The following ANKS6 variants were observed in gnomAD, a reference collection of about 807,000 sequenced individuals.
ANKS6 encodes the protein ankyrin repeat and sterile alpha motif domain containing 6, also known as ankyrin repeat and SAM domain-containing protein 6.
ANKS6 carries 47 observed loss-of-function variants against 77.9 expected under a neutral mutation model. The observed-to-expected ratio is 0.60, with a 90% confidence interval of 0.48 to 0.77. The LOEUF (loss-of-function observed/expected upper bound fraction) is 0.77. Ranked by LOEUF, ANKS6 falls within the 30% of genes least tolerant of loss-of-function variation. ANKS6 has a pLI of 0.00. For synonymous variants in ANKS6, 488 were observed against 501.7 expected, an observed-to-expected ratio of 0.97 and a Z score of 0.37; for missense variants, 1,150 against 1,159.1, an observed-to-expected ratio of 0.99 and a Z score of 0.11.
intron 5 of ANKS6, among the ~76,000 whole-genome samples, chr9:98,781,885 T>C (rs1834284773): frequency 6.6e-6 from 1 of 152,068 alleles, no homozygotes; most frequent in Admixed American, 6.5e-5. Context: ...AGACGACAGA[T>C]CAGAGACCTT....
rs1395442787 is a variant in ANKS6 at position 98,736,443 on chromosome 9, G to A, written c.*76C>T. On this transcript the variant is annotated 3_prime_UTR_variant, in exon 15 of 15. Coordinates refer to ENST00000353234, the MANE Select transcript of ANKS6 (RefSeq NM_173551.5). ...ACTAAGGCACAGCAGTGTGACGGGG[G>A]CAGGGCTGGGGCTGTGGCCACGTGA... The A allele has an allele frequency of 1.7e-5, 26 of 1,495,096 alleles. No homozygotes were observed. The highest frequency in any genetic ancestry group is 2.1e-5 in the Non-Finnish European group (23 of 1,121,580). 92.6% of individuals were successfully genotyped at this position (1,495,096 alleles called of 1,614,324 possible).
chr9:98,780,654 C>T (rs1834196239), intron 5 of ANKS6, among the ~76,000 whole-genome samples: 2 of 152,244 alleles, frequency 1.3e-5, no homozygotes, highest in Admixed American at 6.5e-5. Flanking sequence ...CCCTCCCTGG[C>T]TGTGTAACTG....
intron 11 of ANKS6, among the ~76,000 whole-genome samples, chr9:98,765,081 G>T (rs1025121872): frequency 1.3e-5 from 2 of 152,130 alleles, no homozygotes; most frequent in Non-Finnish European, 2.9e-5. Flanking sequence ...GGTTTTGAAA[G>T]ACTTGCCAAA....
Position 98,732,373 on chromosome 9 carries a change from T to G in ANKS6, c.*4146A>C, listed in dbSNP as rs909648800. 1 of 1,088,146 alleles carries G rather than the reference T, an allele frequency of 9.2e-7. No homozygotes were observed. 67.4% of individuals were successfully genotyped at this position (1,088,146 alleles called of 1,614,324 possible). On this transcript the variant is annotated 3_prime_UTR_variant, in exon 15 of 15. Coordinates refer to ENST00000353234, the MANE Select transcript of ANKS6 (RefSeq NM_173551.5). ...CTTCTACGACTTGGTCAAACTATCT[T>G]TCTTTCTGTCTGCCATGCCAGGAAA...
Position 98,777,449 on chromosome 9 carries a change from C to G in ANKS6, c.1573G>C (p.Gly525Arg), listed in dbSNP as rs773549550. 4 of 1,614,108 alleles carry G rather than the reference C, an allele frequency of 2.5e-6. No individual in the cohort carries two copies. In the African/African-American group the frequency reaches 5.3e-5, roughly 22 times the overall value. The change falls in exon 8 of 15, where the codon GGG (glycine) becomes CGG (arginine). Residue 525 changes from glycine to arginine, a missense_variant. Transcript: ENST00000353234. ...AAPVTKDNGP[G>R]STRGEKEDTL... ...TCTTCCTTTTCTCCTCTTGTGCTCC[C>G]AGGACCTGAGAGACAAATGGAAATT...
rs1054468943 is a variant in ANKS6, at chr9:98,735,697, A to T, written c.*822T>A. The T allele has an allele frequency of 2.4e-6, 3 of 1,231,612 alleles. No homozygotes were observed. In the African/African-American group the frequency reaches 4.7e-5, roughly 19 times the overall value. The allele number at this position is 1,231,612 out of a possible 1,614,324, so 76.3% of individuals were successfully genotyped here. On this transcript the variant is annotated 3_prime_UTR_variant, in exon 15 of 15. Coordinates refer to ENST00000353234, the MANE Select transcript of ANKS6 (RefSeq NM_173551.5). ...TCTGGTCTGACCTTCCACTTTGCAG[A>T]TAAGGAAACTGAAAGCTAGGAAGAA...
At chr9:98,770,298 A>G (rs563789016) in intron 10 of ANKS6, among the ~76,000 whole-genome samples, 2 of 152,296 alleles carry the variant, frequency 1.3e-5, no homozygotes, top group South Asian at 4.1e-4. Context: ...TTGTGAGTCC[A>G]TTAAACCTCT....
chr9:98,739,856 C>T (rs1238818818), intron 14 of ANKS6, among the ~76,000 whole-genome samples: 5 of 147,658 alleles, frequency 3.4e-5, no homozygotes, highest in South Asian at 4.4e-4. Flanking sequence ...CTGGGGTTCA[C>T]GCCATTCTCC....
chr9:98,784,785 T>C (rs772263508), intron 3 of ANKS6, 47 bp downstream of exon 3: 2 of 1,534,042 alleles, frequency 1.3e-6, no homozygotes, highest in South Asian at 1.1e-5. Flanking sequence ...TGGGAGAATG[T>C]AGCCCTATAT....
chr9:98,762,751 C>T (rs1833084531), intron 11 of ANKS6, among the ~76,000 whole-genome samples: 1 of 152,070 alleles, frequency 6.6e-6, no homozygotes, highest in African/African-American at 2.4e-5. Context: ...AGGTATTATA[C>T]TTTGTATTTA....
chr9:98,775,583 G>A (rs1014657174), intron 8 of ANKS6, among the ~76,000 whole-genome samples: 19 of 152,278 alleles, frequency 1.2e-4, no homozygotes, highest in Admixed American at 1.3e-4. Flanking sequence ...TGCAAAGTGC[G>A]ATGAATAGTA....
At chr9:98,748,530 T>C (rs569994271) in intron 13 of ANKS6, among the ~76,000 whole-genome samples, 100 of 152,352 alleles carry the variant, frequency 6.6e-4, no homozygotes, top group Non-Finnish European at 1.2e-3. Flanking sequence ...TAATAAAGAC[T>C]GTGTGGGACT....
chr9:98,774,200 G>A, intron 8 of ANKS6, 120 bp from the exon 9 acceptor site: 2 of 894,928 alleles, frequency 2.2e-6, no homozygotes, highest in Non-Finnish European at 3.1e-6. Context: ...CTCCACCCAA[G>A]CCGGGAGCTA....
In ANKS6 at chr9:98,768,104, C is replaced by A; in HGVS notation, c.2119G>T (p.Gly707Cys). The change falls in exon 11 of 15, where the codon GGT becomes TGT. Residue 707 changes from glycine to cysteine, a missense_variant. Coordinates refer to ENST00000353234, the MANE Select transcript of ANKS6 (RefSeq NM_173551.5). ...ACCTTGCCAACAGGAGCGCTGCCACCTGCAGGGGAGGCTGGAAGCTCAGAC... is the reference window on the plus strand; with the variant it reads ...ACCTTGCCAACAGGAGCGCTGCCACATGCAGGGGAGGCTGGAAGCTCAGAC... ...SPSELPASPA[G>C]GSAPVGKKLE... 7 of 1,611,594 alleles carry A rather than the reference C, an allele frequency of 4.3e-6. No homozygotes were observed. Among genetic ancestry groups the A allele is most frequent in the Non-Finnish European group, 5.9e-6 (7 of 1,179,186 alleles).
intron 1 of ANKS6, 43 bp from the exon 2 acceptor site, chr9:98,790,649 C>G (rs764854302): frequency 6.4e-7 from 1 of 1,569,620 alleles, no homozygotes; most frequent in Admixed American, 1.7e-5. Flanking sequence ...ACACACAGCA[C>G]TCGGGGGCCA....
At chr9:98,778,485 G>C in intron 6 of ANKS6, 61 bp from the exon 7 acceptor site, 1 of 1,536,064 alleles carries the variant, frequency 6.5e-7, no homozygotes, top group Non-Finnish European at 8.9e-7. Context: ...CCAGGCCCAG[G>C]ACCTGCCAGC....
intron 3 of ANKS6, 66 bp from the exon 4 acceptor site, chr9:98,784,223 G>A: frequency 2.8e-6 from 4 of 1,415,788 alleles, no homozygotes; most frequent in South Asian, 1.5e-5. Context: ...TTCTCCTGTG[G>A]TTCATGTAAC....
chr9:98,767,726 G>A (rs1833378554), intron 11 of ANKS6, among the ~76,000 whole-genome samples: 1 of 152,230 alleles, frequency 6.6e-6, no homozygotes, highest in Non-Finnish European at 1.5e-5. Flanking sequence ...GGGGCTGAGA[G>A]CTGAACCCAG....
Position 98,780,188 on chromosome 9 carries a change from C to A in ANKS6, c.1368+1G>T. The stretch of plus-strand genomic sequence containing the variant: ...CCCCTTTAAGACAGGAAAAGGCAAA[C>A]CTTCAGTCCACCCTTGTCATCGGGC... On this transcript the variant is annotated splice_donor_variant, in intron 6 of 14. Coordinates refer to ENST00000353234, the MANE Select transcript of ANKS6 (RefSeq NM_173551.5). LOFTEE classifies it high-confidence loss of function. 2 of 1,613,626 alleles carry A rather than the reference C, an allele frequency of 1.2e-6. No homozygotes were observed. The highest frequency in any genetic ancestry group is 1.7e-6 in the Non-Finnish European group (2 of 1,180,008).
Sources: allele counts gnomAD v4.1 joint callset (sites outside exome capture counted in the v4.1 genomes callset), GRCh38; gene constraint gnomAD v4.1.1; transcripts MANE v1.5; gene names NCBI Gene and HGNC (gene_info 2026-07-23, HGNC 2026-07-21).